Variants in LRRC37A2 observed in about 807,000 individuals in gnomAD.
LRRC37A2 encodes leucine-rich repeat-containing protein 37A2.
Under a neutral mutation model 68.8 loss-of-function variants are expected in LRRC37A2, and 9 were observed. The ratio of observed to expected loss-of-function variants is 0.13; its 90% confidence interval spans 0.08 to 0.23. The LOEUF (loss-of-function observed/expected upper bound fraction) is 0.23. Among genes scored for constraint, LRRC37A2 ranks in the 10% least tolerant of loss-of-function variants. LRRC37A2 has a pLI of 1.00. For missense variants in LRRC37A2, 168 were observed against 950.4 expected (o/e 0.18, Z 10.82); for synonymous variants, 63 against 367.6 (o/e 0.17, Z 9.48).
the LRRC37A2 span, among the ~76,000 whole-genome samples, chr17:46,795,654 G>C: frequency 2.0e-5 from 3 of 152,188 alleles, no homozygotes; most frequent in Non-Finnish European, 4.4e-5. Flanking sequence ...AGTGGGTGAC[G>C]ACACCAAGCC....
the LRRC37A2 span, among the ~76,000 whole-genome samples, chr17:46,856,921 C>T: frequency 6.6e-6 from 1 of 152,188 alleles, no homozygotes; most frequent in Non-Finnish European, 1.5e-5. Flanking sequence ...GCAATCAACC[C>T]TCTCCCACCA....
the LRRC37A2 span, among the ~76,000 whole-genome samples, chr17:46,852,389 AGTGTGTGTGTGTGTGT>A: frequency 1.2e-3 from 131 of 105,374 alleles, no homozygotes; most frequent in Middle Eastern, 4.9e-3. Context: ...GAGAGGGCCC[AGTGTGTGTGTGTGTGT>A]GTGTGTGTGT....
chr17:46,552,967 A>G (rs1276893209), intron 11 of LRRC37A2, among the ~76,000 whole-genome samples: 4 of 142,370 alleles, frequency 2.8e-5, no homozygotes, highest in Non-Finnish European at 6.0e-5. Context: ...AGGTGGGCGG[A>G]TCACTGGAGC....
chr17:46,756,494 T>C, the LRRC37A2 span: 1 of 152,258 alleles, frequency 6.6e-6, no homozygotes, highest in Non-Finnish European at 1.5e-5. Flanking sequence ...TAAGTATAAC[T>C]AATTTGCTCT....
At chr17:46,759,308 C>A in the LRRC37A2 span, among the ~76,000 whole-genome samples, 3 of 152,202 alleles carry the variant, frequency 2.0e-5, no homozygotes, top group Non-Finnish European at 2.9e-5. Context: ...CATCAGCTGG[C>A]AAGCCGTACT....
chr17:46,872,635 C>G, the LRRC37A2 span: 1 of 1,613,598 alleles, frequency 6.2e-7, no homozygotes, highest in South Asian at 1.1e-5. Flanking sequence ...GCGGCAGAAG[C>G]AGCTCTGCCG....
chr17:46,788,627 C>T, the LRRC37A2 span, among the ~76,000 whole-genome samples: 1 of 152,228 alleles, frequency 6.6e-6, no homozygotes, highest in African/African-American at 2.4e-5. Flanking sequence ...CTTCAATGCA[C>T]TCAAGTGAAT....
chr17:46,885,018 T>C, the LRRC37A2 span: 3 of 439,880 alleles, frequency 6.8e-6, no homozygotes. Context: ...GACGAAGTCT[T>C]GTTCTTGTTG....
the LRRC37A2 span, among the ~76,000 whole-genome samples, chr17:46,739,570 G>A: frequency 6.6e-6 from 1 of 151,768 alleles, no homozygotes; most frequent in African/African-American, 2.4e-5. Flanking sequence ...AAACTGGGCT[G>A]CAGTGAGAGC....
At chr17:46,793,414 G>T in the LRRC37A2 span, among the ~76,000 whole-genome samples, 1 of 152,052 alleles carries the variant, frequency 6.6e-6, no homozygotes, top group Non-Finnish European at 1.5e-5. Flanking sequence ...CGCTGTTGGG[G>T]TTAACATCCC....
At chr17:46,946,164 G>C in the LRRC37A2 span, among the ~76,000 whole-genome samples, 1 of 151,864 alleles carries the variant, frequency 6.6e-6, no homozygotes, top group Non-Finnish European at 1.5e-5. Context: ...GGCTGGGCGC[G>C]GTGTCTCATG....
chr17:46,497,670 A>G, the LRRC37A2 span, among the ~76,000 whole-genome samples: 2 of 149,864 alleles, frequency 1.3e-5, no homozygotes, highest in Admixed American at 6.6e-5. Flanking sequence ...CTTTCAGTGT[A>G]TATTATATCT....
At chr17:46,622,340 C>T in the LRRC37A2 span, among the ~76,000 whole-genome samples, 7 of 149,632 alleles carry the variant, frequency 4.7e-5, no homozygotes, top group Admixed American at 6.7e-5. Flanking sequence ...TACCTGTAGT[C>T]CCAGCTACTT....
At chr17:46,499,420 G>A in the LRRC37A2 span, among the ~76,000 whole-genome samples, 2 of 150,098 alleles carry the variant, frequency 1.3e-5, no homozygotes, top group Non-Finnish European at 2.9e-5. Context: ...GTCTGAAAAC[G>A]CAGGAGTCAA....
chr17:46,965,374 A>T, the LRRC37A2 span, among the ~76,000 whole-genome samples: 1 of 152,196 alleles, frequency 6.6e-6, no homozygotes, highest in Non-Finnish European at 1.5e-5. Flanking sequence ...TGGGACAAGG[A>T]GAGAGAAAGC....
At chr17:46,615,503 G>C in the LRRC37A2 span, among the ~76,000 whole-genome samples, 11 of 8,582 alleles carry the variant, frequency 1.3e-3, no homozygotes, top group East Asian at 0.062. Context: ...GATCACTTGA[G>C]GTCAGGAGTT....
the LRRC37A2 span, among the ~76,000 whole-genome samples, chr17:46,840,618 A>C: frequency 6.6e-6 from 1 of 152,206 alleles, no homozygotes. Context: ...ACTCCCACCA[A>C]CAGTGTAAAA....
Position 46,547,204 on chromosome 17 carries a change from C to G in LRRC37A2, c.3172+831C>G, listed in dbSNP as rs1375034794. 190 of 46,424 alleles carry G rather than the reference C, an allele frequency of 4.1e-3. 19 individuals are homozygous for G. Among genetic ancestry groups the G allele is most frequent in the African/African-American group, 0.018 (178 of 9,708 alleles). The allele number at this position is 46,424 out of a possible 1,614,324, so 2.9% of individuals were successfully genotyped here. A position where few individuals can be genotyped will look rare whatever the true frequency, so the allele number is the denominator to read the frequency against. On this transcript the variant is annotated intron_variant, in intron 9 of 14. Transcript: ENST00000576629. The stretch of plus-strand genomic sequence containing the variant: ...TACCAATTATGTTATTCCCTTCTCC[C>G]CAAGAAGTGGGCAGAAAAGCTTTGT...
At chr17:47,030,230 A>C in the LRRC37A2 span, among the ~76,000 whole-genome samples, 1 of 151,524 alleles carries the variant, frequency 6.6e-6, no homozygotes, top group South Asian at 2.1e-4. Context: ...AAAAACATTC[A>C]GAGTGCCATG....
Sources: gnomAD v4.1 joint callset for allele counts (sites outside exome capture counted in the v4.1 genomes callset) on GRCh38, gnomAD v4.1.1 for gene constraint, MANE v1.5 for transcripts, NCBI Gene and HGNC (gene_info 2026-07-23, HGNC 2026-07-21) for gene names.